SLC44A2: variants seen among roughly 807,000 people sequenced by gnomAD.
SLC44A2 encodes solute carrier family 44 member 2 (CTL2 blood group), also known as choline transporter-like protein 2.
A neutral mutation model predicts 90.8 loss-of-function variants in SLC44A2; 57 were observed. The observed-to-expected ratio is 0.63, with a 90% CI of 0.51 to 0.78. The LOEUF (loss-of-function observed/expected upper bound fraction) is 0.78, where lower values mean the gene tolerates loss of function less well. Among genes scored for constraint, SLC44A2 ranks in the 30% least tolerant of loss-of-function variants. The pLI, the probability that SLC44A2 is intolerant of heterozygous loss-of-function variation, is 0.00. For synonymous variants in SLC44A2, 355 were observed against 360.7 expected (o/e 0.98, Z 0.18); for missense variants, 794 against 919.7 (o/e 0.86, Z 1.77).
At chr19:10,628,213 C>T (rs1055560810) in intron 4 of SLC44A2, among the ~76,000 whole-genome samples, 5 of 152,148 alleles carry the variant, frequency 3.3e-5, no homozygotes, top group African/African-American at 9.7e-5. Flanking sequence ...GGCAAAACCC[C>T]GTCTCCACTA....
chr19:10,616,499 C>A (rs111785828), intron 1 of SLC44A2, among the ~76,000 whole-genome samples: 1 of 152,212 alleles, frequency 6.6e-6, no homozygotes, highest in African/African-American at 2.4e-5. Context: ...GTGATCCACC[C>A]ACCTTGGCCT....
chr19:10,641,326 C>A, intron 20 of SLC44A2: 2 of 402,708 alleles, frequency 5.0e-6, no homozygotes, highest in South Asian at 1.8e-5. Flanking sequence ...CCTGGGAGGT[C>A]AAGGCTGCAG....
At chr19:10,615,981 G>A (rs957847304) in intron 1 of SLC44A2, among the ~76,000 whole-genome samples, 1 of 151,992 alleles carries the variant, frequency 6.6e-6, no homozygotes, top group African/African-American at 2.4e-5. Context: ...GGGCAACATA[G>A]CGAAACCCTG....
intron 20 of SLC44A2, 74 bp from the exon 21 acceptor site, chr19:10,642,293 T>A (rs2067124949): frequency 2.4e-6 from 3 of 1,273,506 alleles, no homozygotes; most frequent in Admixed American, 3.4e-5. Context: ...GGTCCCAGCA[T>A]AGGATGGACT....
intron 6 of SLC44A2, 40 bp from the exon 7 acceptor site, chr19:10,631,435 C>G (rs1336460974): frequency 1.2e-6 from 2 of 1,614,066 alleles, no homozygotes; most frequent in Non-Finnish European, 1.7e-6. Flanking sequence ...TGGCAGTGTA[C>G]TAGACTTGGG....
At chr19:10,633,751 C>T (rs1436436079) in intron 10 of SLC44A2, among the ~76,000 whole-genome samples, 1 of 152,238 alleles carries the variant, frequency 6.6e-6, no homozygotes, top group Non-Finnish European at 1.5e-5. Context: ...GCCACTGTGC[C>T]TGGCCCATAT....
At chr19:10,636,777 G>C (rs1306573264) in intron 16 of SLC44A2, 21 bp downstream of exon 16, 2 of 1,607,218 alleles carry the variant, frequency 1.2e-6, no homozygotes, top group African/African-American at 2.7e-5. Flanking sequence ...CCCACGGTTC[G>C]CATTAGCTCC....
intron 1 of SLC44A2, among the ~76,000 whole-genome samples, chr19:10,606,911 A>ATT (rs1012814720): frequency 1.3e-4 from 17 of 133,268 alleles, no homozygotes; most frequent in African/African-American, 2.5e-4. Context: ...ACTTACGGCT[A>ATT]TTTTTTTTTT....
chr19:10,643,225 G>A, intron 21 of SLC44A2, 54 bp from the exon 22 acceptor site: 2 of 1,563,936 alleles, frequency 1.3e-6, no homozygotes, highest in East Asian at 2.4e-5. Context: ...TGTCCTTGAG[G>A]CCCCTGCCCG....
chr19:10,613,731 C>T (rs752881762), intron 1 of SLC44A2, among the ~76,000 whole-genome samples: 7 of 151,964 alleles, frequency 4.6e-5, no homozygotes, highest in Admixed American at 2.0e-4. Context: ...GGACATGGAA[C>T]GACGGAAGCG....
intron 4 of SLC44A2, among the ~76,000 whole-genome samples, chr19:10,629,030 C>T (rs1036093293): frequency 1.3e-5 from 2 of 151,680 alleles, no homozygotes; most frequent in African/African-American, 2.4e-5. Flanking sequence ...GGTGAAACCC[C>T]GTCTCTACTA....
At chr19:10,629,946 G>A (rs2066976384) in intron 4 of SLC44A2, among the ~76,000 whole-genome samples, 1 of 151,840 alleles carries the variant, frequency 6.6e-6, no homozygotes, top group Non-Finnish European at 1.5e-5. Context: ...GTACAGACGG[G>A]GTTTCGCCAC....
chr19:10,607,850 A>G (rs1174544687), intron 1 of SLC44A2, among the ~76,000 whole-genome samples: 3 of 148,480 alleles, frequency 2.0e-5, no homozygotes, highest in Non-Finnish European at 4.5e-5. Context: ...GGTTCATGCC[A>G]TTCTCCTGCC....
At position 10,631,297 on chromosome 19, in the gene SLC44A2, A is replaced by G. The variant is rs2066991348; in HGVS notation, c.353A>G (p.Asp118Gly). Residue 118 changes from aspartate to glycine, a missense_variant, in exon 6 of 22, where the codon GAC becomes GGC. By Grantham distance (94) the Asp-to-Gly change is moderately conservative (BLOSUM62 -1). Transcript: ENST00000335757. ...TPQICVEKCP[D>G]RYLTYLNARS... ...CAGATCTGCGTGGAAAAATGCCCCGACCGCTACCTCACGTACCTGAATGCT... is the reference window on the plus strand; with the variant it reads ...CAGATCTGCGTGGAAAAATGCCCCGGCCGCTACCTCACGTACCTGAATGCT... 6.2e-7 allele frequency: 1 copy of G among 1,613,858 alleles called. No individual in the cohort carries two copies.
chr19:10,626,260 A>G lies in SLC44A2; in HGVS notation c.45A>G (p.Pro15=). Residue 15 remains proline, a synonymous_variant, in exon 2 of 22, where the codon CCA becomes CCG. Coordinates refer to ENST00000335757, the MANE Select transcript of SLC44A2 (RefSeq NM_020428.4). ...RPHYYGKHGT[P]QKYDPTFKGP... ...AATCTTCTTGACTTTCAGGAACGCC[A>G]CAGAAGTATGATCCCACTTTCAAAG... is the stretch of plus-strand genomic sequence containing the variant. The G allele has an allele frequency of 6.2e-7, 1 of 1,613,478 alleles. No homozygotes were observed. Among genetic ancestry groups the G allele is most frequent in the Non-Finnish European group, 8.5e-7 (1 of 1,179,424 alleles).
At chr19:10,616,783 C>A (rs2066858562) in intron 1 of SLC44A2, among the ~76,000 whole-genome samples, 1 of 152,002 alleles carries the variant, frequency 6.6e-6, no homozygotes, top group Non-Finnish European at 1.5e-5. Flanking sequence ...TGCTCTGTTG[C>A]CAAGGCTGTA....
intron 1 of SLC44A2, among the ~76,000 whole-genome samples, chr19:10,607,338 T>C (rs1357333866): frequency 1.3e-5 from 2 of 152,008 alleles, no homozygotes; most frequent in Non-Finnish European, 2.9e-5. Context: ...CCATACTTTA[T>C]TCTTTGTTGT....
chr19:10,617,908 G>A (rs956629178), intron 1 of SLC44A2, among the ~76,000 whole-genome samples: 1 of 152,102 alleles, frequency 6.6e-6, no homozygotes, highest in Non-Finnish European at 1.5e-5. Context: ...TGGCTTTACC[G>A]GTCTTACTGC....
chr19:10,627,894 C>G, intron 3 of SLC44A2, 26 bp from the exon 4 acceptor site: 2 of 1,612,898 alleles, frequency 1.2e-6, no homozygotes, highest in Non-Finnish European at 1.7e-6. Context: ...GTGGCAGTGT[C>G]TCAGTATCCC....
Sources: allele counts gnomAD v4.1 joint callset (sites outside exome capture counted in the v4.1 genomes callset), GRCh38; gene constraint gnomAD v4.1.1; transcripts MANE v1.5; gene names NCBI Gene and HGNC (gene_info 2026-07-23, HGNC 2026-07-21).